OPCML: variants seen among roughly 807,000 people sequenced by gnomAD.
OPCML encodes the protein opioid binding protein/cell adhesion molecule like.
OPCML carries 13 observed loss-of-function variants against 37.8 expected under a neutral mutation model. The ratio of observed to expected loss-of-function variants is 0.34; its 90% CI spans 0.22 to 0.55. OPCML has a LOEUF of 0.55. OPCML is among the 20% of genes least tolerant of loss of function. OPCML has a pLI of 0.91. For synonymous variants in OPCML, 176 were observed against 168.8 expected, an observed-to-expected ratio of 1.04 and a Z score of -0.33; for missense variants, 341 against 435.6, an observed-to-expected ratio of 0.78 and a Z score of 1.93.
At chr11:133,077,539 ATTTT>A in intron 1 of OPCML, among the ~76,000 whole-genome samples, 1 of 152,180 alleles carries the variant, frequency 6.6e-6, no homozygotes, top group East Asian at 1.9e-4. Flanking sequence ...CTCGGTAAGA[ATTTT>A]TTTAATTACT....
At chr11:133,038,965 G>T (rs1466028332) in intron 1 of OPCML, among the ~76,000 whole-genome samples, 1 of 152,220 alleles carries the variant, frequency 6.6e-6, no homozygotes, top group African/African-American at 2.4e-5. Flanking sequence ...GACAGTTTCA[G>T]AAATCAGCGG....
chr11:132,510,839 A>G (rs1019191128), intron 4 of OPCML, among the ~76,000 whole-genome samples: 1 of 152,182 alleles, frequency 6.6e-6, no homozygotes, highest in Non-Finnish European at 1.5e-5. Flanking sequence ...TCTGATAAAG[A>G]TCATCTGTAA....
At chr11:133,059,617 G>C (rs1358909844) in intron 1 of OPCML, among the ~76,000 whole-genome samples, 1 of 152,196 alleles carries the variant, frequency 6.6e-6, no homozygotes, top group Non-Finnish European at 1.5e-5. Flanking sequence ...TTCAAATCTT[G>C]AGTACACATT....
Position 132,943,858 on chromosome 11 carries a change from G to C in OPCML, c.62-848C>G, listed in dbSNP as rs1483430775. The C allele has an allele frequency of 1.3e-5, 2 of 150,966 alleles. No individual in the cohort carries two copies. Among genetic ancestry groups the C allele is most frequent in the East Asian group, 3.9e-4 (2 of 5,152 alleles). 9.4% of individuals were successfully genotyped at this position (150,966 alleles called of 1,614,324 possible). On this transcript the variant is annotated intron_variant, in intron 1 of 7. Transcript: ENST00000524381. The surrounding 1 kb of genome is among the most constrained non-coding windows in gnomAD (Gnocchi z 4.3). The stretch of plus-strand genomic sequence containing the variant: ...AGACGCGGGGACGCGCGGACGCCAC[G>C]CTCAGCGGCCGCCCCCGGCCTCCGC...
intron 1 of OPCML, among the ~76,000 whole-genome samples, chr11:133,076,161 T>C (rs1287694585): frequency 6.6e-6 from 1 of 152,186 alleles, no homozygotes; most frequent in African/African-American, 2.4e-5. Context: ...GTGGGATATG[T>C]ATTATTTTGT....
At chr11:132,819,271 A>G (rs935504030) in intron 2 of OPCML, among the ~76,000 whole-genome samples, 20 of 152,086 alleles carry the variant, frequency 1.3e-4, no homozygotes, top group Non-Finnish European at 2.6e-4. Flanking sequence ...TGAACAGGGG[A>G]AAAGATATTG....
intron 1 of OPCML, among the ~76,000 whole-genome samples, chr11:133,320,603 T>C (rs1008643267): frequency 1.3e-5 from 2 of 152,234 alleles, no homozygotes; most frequent in African/African-American, 4.8e-5. Flanking sequence ...AGAAAGCTAA[T>C]GAATTTTTGC....
rs79210745 is a variant in OPCML, at chr11:132,439,097, G to T, written c.506-1738C>A. Among the ~76,000 whole-genome samples the T allele has an allele frequency of 6.0e-3, 912 of 152,238 alleles. 10 individuals are homozygous for T. The highest frequency in any genetic ancestry group is 0.02 in the African/African-American group (843 of 41,508). On this transcript the variant is annotated intron_variant, in intron 4 of 7. Transcript: ENST00000524381. ...ATTGGCTAGTGGGAGCAATCCATTTGCCTGGCTACCCTCCTCAAACCTGGT... is the reference window on the plus strand; with the variant it reads ...ATTGGCTAGTGGGAGCAATCCATTTTCCTGGCTACCCTCCTCAAACCTGGT...
chr11:133,473,946 T>C (rs376007089), intron 1 of OPCML, among the ~76,000 whole-genome samples: 84 of 152,232 alleles, frequency 5.5e-4, no homozygotes, highest in African/African-American at 2.0e-3. Context: ...ATATTTGTGA[T>C]TGGAATGGAT....
At chr11:132,693,807 C>T (rs1320586461) in intron 2 of OPCML, among the ~76,000 whole-genome samples, 1 of 151,984 alleles carries the variant, frequency 6.6e-6, no homozygotes, top group Non-Finnish European at 1.5e-5. Flanking sequence ...ATTGAAATTC[C>T]TTTCTCTTTT....
intron 1 of OPCML, among the ~76,000 whole-genome samples, chr11:133,475,109 T>A (rs191978084): frequency 6.6e-6 from 1 of 152,340 alleles, no homozygotes; most frequent in East Asian, 1.9e-4. Context: ...ATGGAAATAT[T>A]TCGGCAGTTT....
chr11:132,829,815 A>G (rs916929493), intron 2 of OPCML, among the ~76,000 whole-genome samples: 2 of 151,984 alleles, frequency 1.3e-5, no homozygotes, highest in African/African-American at 4.8e-5. Context: ...CACAGACTCT[A>G]TTTTTCTCAT....
chr11:132,949,588 CA>C (rs1444185070), intron 1 of OPCML, among the ~76,000 whole-genome samples: 3 of 152,206 alleles, frequency 2.0e-5, no homozygotes, highest in Non-Finnish European at 4.4e-5. Context: ...TTTGACGGAT[CA>C]GTCTCACACA....
At chr11:133,368,289 G>A (rs558850088) in intron 1 of OPCML, among the ~76,000 whole-genome samples, 1 of 152,020 alleles carries the variant, frequency 6.6e-6, no homozygotes, top group East Asian at 1.9e-4. Context: ...GGGAGAGGGA[G>A]AGGAGGGAAG....
chr11:133,158,129 G>T (rs1950087728), intron 1 of OPCML, among the ~76,000 whole-genome samples: 1 of 152,202 alleles, frequency 6.6e-6, no homozygotes, highest in South Asian at 2.1e-4. Context: ...GCAGGTGCTT[G>T]GCTCTATTTG....
intron 1 of OPCML, among the ~76,000 whole-genome samples, chr11:133,175,462 A>G (rs1269089111): frequency 1.3e-5 from 2 of 148,592 alleles, no homozygotes; most frequent in Non-Finnish European, 3.0e-5. Context: ...TAGGTCTACA[A>G]GTGTAACGGA....
At chr11:132,588,850 A>T (rs2096478860) in intron 3 of OPCML, among the ~76,000 whole-genome samples, 1 of 152,146 alleles carries the variant, frequency 6.6e-6, no homozygotes, top group South Asian at 2.1e-4. Context: ...GTACAGATAT[A>T]TCTCCCAGAA....
At chr11:133,097,538 T>C (rs1013693863) in intron 1 of OPCML, among the ~76,000 whole-genome samples, 3 of 151,490 alleles carry the variant, frequency 2.0e-5, no homozygotes, top group Admixed American at 6.6e-5. Context: ...GTCAATGAAA[T>C]AGAAAAGAGA....
rs538614336 is a variant in OPCML at position 132,696,204 on chromosome 11, C to T, written c.147-38885G>A. Among the ~76,000 whole-genome samples the T allele has an allele frequency of 5.3e-5, 8 of 152,274 alleles. No homozygotes were observed. In the South Asian group the frequency reaches 1.0e-3, roughly 20 times the overall value. On this transcript the variant is annotated intron_variant, in intron 2 of 7. Coordinates refer to ENST00000524381, the MANE Select transcript of OPCML (RefSeq NM_001012393.5). ...TTCCATGTCTGTGTTAAGAAATGTG[C>T]CACCTGCCCATAAATGAGCTTAATC...
Sources: allele counts gnomAD v4.1 joint callset (sites outside exome capture counted in the v4.1 genomes callset), GRCh38; gene constraint gnomAD v4.1.1; non-coding constraint Gnocchi (gnomAD v3.1); transcripts MANE v1.5; gene names NCBI Gene and HGNC (gene_info 2026-07-23, HGNC 2026-07-21).